Variants in MGLL observed in about 807,000 individuals in gnomAD.
MGLL encodes lysophospholipase homolog.
A neutral mutation model predicts 29.1 loss-of-function variants in MGLL; 7 were observed. The observed-to-expected ratio is 0.24, with a 90% CI of 0.14 to 0.45. MGLL has a LOEUF of 0.45. Among genes scored for constraint, MGLL ranks in the 20% least tolerant of loss-of-function variants. The probability of loss-of-function intolerance (pLI) is 0.99; values close to 1 mark genes in which losing one functional copy is unlikely to be tolerated. For missense variants in MGLL, 356 were observed against 413.6 expected, an observed-to-expected ratio of 0.86 and a Z score of 1.21; for synonymous variants, 148 against 168.3, an observed-to-expected ratio of 0.88 and a Z score of 0.93.
intron 3 of MGLL, among the ~76,000 whole-genome samples, chr3:127,731,481 CT>C (rs2076149064): frequency 6.6e-6 from 1 of 152,012 alleles, no homozygotes; most frequent in Admixed American, 6.6e-5. Context: ...CATCTCAGGC[CT>C]TGCTGATCCT....
At chr3:127,794,489 ACTGTCTTCTATGATGTAAGG>A (rs2077351228) in intron 2 of MGLL, among the ~76,000 whole-genome samples, 1 of 152,048 alleles carries the variant, frequency 6.6e-6, no homozygotes, top group Non-Finnish European at 1.5e-5. Context: ...ATGACATCAG[ACTGTCTTCTATGATGTAAGG>A]CTGTCTTCTA....
chr3:127,726,190 A>AAAAGAAAG (rs57101517), intron 3 of MGLL, among the ~76,000 whole-genome samples: 3 of 74,272 alleles, frequency 4.0e-5, no homozygotes, highest in Non-Finnish European at 8.5e-5. Flanking sequence ...GAAAGAAAAG[A>AAAAGAAAG]AAAGAAAGAA....
chr3:127,777,328 T>A (rs2077052920), intron 3 of MGLL, among the ~76,000 whole-genome samples: 1 of 152,198 alleles, frequency 6.6e-6, no homozygotes, highest in South Asian at 2.1e-4. Context: ...CCTGGGAGTG[T>A]GGCATGGCAG....
At chr3:127,710,370 T>G (rs931652306) in intron 6 of MGLL, among the ~76,000 whole-genome samples, 1 of 152,224 alleles carries the variant, frequency 6.6e-6, no homozygotes, top group African/African-American at 2.4e-5. Flanking sequence ...CTTTCATGTT[T>G]AGAACACAGC....
intron 2 of MGLL, among the ~76,000 whole-genome samples, chr3:127,784,474 A>G (rs548987865): frequency 6.2e-4 from 95 of 152,262 alleles, no homozygotes; most frequent in African/African-American, 2.2e-3. Context: ...AGGGCCACCA[A>G]TCTCCCTGGG....
At chr3:127,710,328 A>C (rs912772029) in intron 6 of MGLL, among the ~76,000 whole-genome samples, 1 of 152,206 alleles carries the variant, frequency 6.6e-6, no homozygotes, top group Non-Finnish European at 1.5e-5. Context: ...AAGAGACTTG[A>C]CTGGCACACA....
chr3:127,721,522 T>TG (rs2075924522), intron 4 of MGLL, among the ~76,000 whole-genome samples: 4 of 150,526 alleles, frequency 2.7e-5, no homozygotes, highest in Non-Finnish European at 5.9e-5. Flanking sequence ...TTTTTTTTTT[T>TG]TTTTTTTTGG....
chr3:127,720,670 T>C (rs1394276543), intron 5 of MGLL, among the ~76,000 whole-genome samples: 1 of 152,232 alleles, frequency 6.6e-6, no homozygotes, highest in Non-Finnish European at 1.5e-5. Context: ...TAGGAGTGCC[T>C]GCAGTTCCAC....
chr3:127,790,974 A>G (rs950307745), intron 2 of MGLL, among the ~76,000 whole-genome samples: 1 of 152,134 alleles, frequency 6.6e-6, no homozygotes, highest in Non-Finnish European at 1.5e-5. Flanking sequence ...GGTGAGGCCC[A>G]GTCCTCCATG....
chr3:127,806,115 A>C (rs2077560421), intron 2 of MGLL, among the ~76,000 whole-genome samples: 1 of 152,224 alleles, frequency 6.6e-6, no homozygotes, highest in South Asian at 2.1e-4. Context: ...CTGAATGGCC[A>C]GGTGGGGCAT....
At chr3:127,710,934 C>T (rs574092795) in intron 5 of MGLL, 10 of 493,924 alleles carry the variant, frequency 2.0e-5, no homozygotes, top group East Asian at 1.2e-4. Flanking sequence ...GAATTTTGCC[C>T]GCTCTATACC....
chr3:127,720,199 A>G (rs894874040), intron 5 of MGLL, among the ~76,000 whole-genome samples: 1 of 152,164 alleles, frequency 6.6e-6, no homozygotes, highest in African/African-American at 2.4e-5. Flanking sequence ...ATGACCTACT[A>G]TCTCACCTCT....
At chr3:127,736,434 T>C in intron 3 of MGLL, 1 of 805,054 alleles carries the variant, frequency 1.2e-6, no homozygotes, top group South Asian at 5.6e-5. Flanking sequence ...AGTCTGGTCC[T>C]AGAGAGAACA....
At chr3:127,742,562 C>A (rs2076362553) in intron 3 of MGLL, among the ~76,000 whole-genome samples, 1 of 129,990 alleles carries the variant, frequency 7.7e-6, no homozygotes, top group South Asian at 2.4e-4. Context: ...TGCACTCCAG[C>A]CTGGGAGACA....
At chr3:127,693,813 T>C (rs1053682577) in intron 7 of MGLL, among the ~76,000 whole-genome samples, 9 of 152,194 alleles carry the variant, frequency 5.9e-5, no homozygotes, top group African/African-American at 9.7e-5. Context: ...TAGGGCCCCA[T>C]AAATACTTGA....
At chr3:127,764,003 G>A (rs565484977) in intron 3 of MGLL, among the ~76,000 whole-genome samples, 3 of 152,150 alleles carry the variant, frequency 2.0e-5, no homozygotes, top group Non-Finnish European at 2.9e-5. Flanking sequence ...GCTCTCAGGC[G>A]CTCCTCCAGC....
At chr3:127,799,313 G>T (rs2077438185) in intron 2 of MGLL, 1 of 152,098 alleles carries the variant, frequency 6.6e-6, no homozygotes, top group African/African-American at 2.4e-5. Flanking sequence ...TATTCGTTAG[G>T]ATCAGAAGAG....
At chr3:127,735,801 G>T in intron 3 of MGLL, 9 of 1,598,244 alleles carry the variant, frequency 5.6e-6, no homozygotes, top group Non-Finnish European at 7.6e-6. Context: ...ATAAATTCTG[G>T]CATTCTCTTG....
intron 3 of MGLL, among the ~76,000 whole-genome samples, chr3:127,755,078 A>G (rs2076636086): frequency 6.6e-6 from 1 of 152,218 alleles, no homozygotes; most frequent in African/African-American, 2.4e-5. Flanking sequence ...CCCGGGGGAA[A>G]GGTCCTTGCC....
Sources: allele counts gnomAD v4.1 joint callset (sites outside exome capture counted in the v4.1 genomes callset), GRCh38; gene constraint gnomAD v4.1.1; transcripts MANE v1.5; gene names NCBI Gene and HGNC (gene_info 2026-07-23, HGNC 2026-07-21).